The following LIPI variants were observed in gnomAD, a reference collection of about 807,000 sequenced individuals.
LIPI encodes lipase I, also known as lipase member I.
A neutral mutation model predicts 50.6 loss-of-function variants in LIPI; 59 were observed. That is an observed-to-expected ratio of 1.16 (90% CI 0.94 to 1.45). LIPI has a LOEUF of 1.45. Ranked by LOEUF, LIPI falls within the 40% of genes most tolerant of loss-of-function variation. The probability of loss-of-function intolerance (pLI) is 0.00; values close to 1 mark genes in which losing one functional copy is unlikely to be tolerated. For synonymous variants in LIPI, 203 were observed against 178.2 expected (o/e 1.14, Z -1.11); for missense variants, 586 against 536.3 (o/e 1.09, Z -0.92).
intron 1 of LIPI, among the ~76,000 whole-genome samples, chr21:14,196,258 T>G (rs2019848248): frequency 6.6e-6 from 1 of 151,824 alleles, no homozygotes; most frequent in African/African-American, 2.4e-5. Flanking sequence ...TTTTTATGCA[T>G]GCAAAAACTT....
chr21:14,177,891 T>C (rs1374402205), intron 4 of LIPI, among the ~76,000 whole-genome samples: 1 of 151,884 alleles, frequency 6.6e-6, no homozygotes, highest in Non-Finnish European at 1.5e-5. Context: ...CTCATGAATG[T>C]CTGAAGGGTA....
rs535188560 is a variant in LIPI at position 14,178,063 on chromosome 21, C to T, written c.643+3695G>A. ...TATATTCCATTGTTTCTGTTGAGAA[C>T]TCAATTGTAACTCTGGTCAATTTTA... On this transcript the variant is annotated intron_variant, in intron 4 of 9. Transcript: ENST00000681601. Among the ~76,000 whole-genome samples, 12 of 152,192 alleles carry T rather than the reference C, an allele frequency of 7.9e-5. No individual in the cohort carries two copies. In the South Asian group the frequency reaches 2.3e-3, roughly 29 times the overall value.
intron 7 of LIPI, among the ~76,000 whole-genome samples, chr21:14,153,769 A>G (rs2822436): frequency 0.31 from 47,381 of 151,990 alleles, 7,610 homozygotes; most frequent in Middle Eastern, 0.4. Context: ...CCCTGCACAG[A>G]GCCATAAACC....
intron 6 of LIPI, among the ~76,000 whole-genome samples, chr21:14,164,175 T>C (rs2018592988): frequency 1.3e-5 from 2 of 152,030 alleles, no homozygotes; most frequent in Non-Finnish European, 2.9e-5. Flanking sequence ...CCCACATTGC[T>C]ACCTCCAAAT....
rs954959063 is a variant in LIPI at position 14,189,058 on chromosome 21, C to A, written c.408G>T (p.Leu136Phe). The change falls in exon 2 of 10, where the codon TTG becomes TTT. Residue 136 changes from leucine to phenylalanine, a missense_variant. Physicochemically the swap from Leu to Phe is conservative, Grantham distance 22. Transcript: ENST00000681601. ...CCAAAAGATTTTTAATGTGCACACT[C>A]AAACTCACAGCAACTTTTCTGGTGT... The part of the protein sequence containing the change: ...VKNTRKVAVS[L>F]SVHIKNLLKH... 1 of 1,607,306 alleles carries A rather than the reference C, an allele frequency of 6.2e-7. No homozygotes were observed. Among genetic ancestry groups the A allele is most frequent in the African/African-American group, 1.3e-5 (1 of 75,044 alleles).
chr21:14,200,415 T>C (rs939135731), intron 1 of LIPI, among the ~76,000 whole-genome samples: 1 of 152,060 alleles, frequency 6.6e-6, no homozygotes, highest in Non-Finnish European at 1.5e-5. Context: ...AGTCTTAGGA[T>C]ACAAAATCAA....
At chr21:14,166,249 G>C (rs2018678616) in intron 5 of LIPI, 113 bp downstream of exon 5, 1 of 745,016 alleles carries the variant, frequency 1.3e-6, no homozygotes, top group East Asian at 2.5e-5. Context: ...CTGAGTCATG[G>C]GCAATGATGA....
At chr21:14,169,642 A>G (rs1446158881) in intron 4 of LIPI, among the ~76,000 whole-genome samples, 1 of 152,266 alleles carries the variant, frequency 6.6e-6, no homozygotes, top group Non-Finnish European at 1.5e-5. Flanking sequence ...GAAGGCAGAA[A>G]TAAAGATGTT....
intron 8 of LIPI, among the ~76,000 whole-genome samples, chr21:14,151,462 C>T (rs1225171935): frequency 6.6e-6 from 1 of 152,156 alleles, no homozygotes; most frequent in Non-Finnish European, 1.5e-5. Context: ...AACCATGCTT[C>T]CTGAAACCCT....
chr21:14,108,840 T>C lies in LIPI; in HGVS notation c.*153A>G. The C allele has an allele frequency of 2.3e-6, 2 of 867,592 alleles. No individual in the cohort carries two copies. Among genetic ancestry groups the C allele is most frequent in the East Asian group, 5.4e-5 (2 of 37,022 alleles). 53.7% of individuals were successfully genotyped at this position (867,592 alleles called of 1,614,324 possible). On this transcript the variant is annotated 3_prime_UTR_variant, in exon 10 of 10. Coordinates refer to ENST00000681601, the MANE Select transcript of LIPI (RefSeq NM_001302998.2). ...TGGAATGTTTAACTGTATGCATTTT[T>C]TATTTTCTTTATTTTTGATTCTTAA...
In LIPI at chr21:14,189,202, G is replaced by A. The variant is rs1600920141; in HGVS notation, c.264C>T (p.Ser88=). ...WLIHGYRPVG[S]IPLWLQNFVR... ...CGAAGTTCTGAAGCCATAATGGGAT[G>A]GAGCCTACTGGTCTGTATCCGTGAA... Residue 88 remains serine, a synonymous_variant, in exon 2 of 10, where the codon TCC becomes TCT. Coordinates refer to ENST00000681601, the MANE Select transcript of LIPI (RefSeq NM_001302998.2). 1 of 1,614,060 alleles carries A rather than the reference G, an allele frequency of 6.2e-7. No individual in the cohort carries two copies. The highest frequency in any genetic ancestry group is 8.5e-7 in the Non-Finnish European group (1 of 1,179,948).
At chr21:14,143,531 A>C (rs960256338) in intron 9 of LIPI, 2 of 152,002 alleles carry the variant, frequency 1.3e-5, no homozygotes, top group Non-Finnish European at 2.9e-5. Flanking sequence ...TATGTTTAAC[A>C]TTGACAAGAA....
intron 9 of LIPI, among the ~76,000 whole-genome samples, chr21:14,132,317 G>T (rs559562355): frequency 2.6e-5 from 4 of 152,240 alleles, no homozygotes; most frequent in African/African-American, 9.6e-5. Flanking sequence ...CAAATGAAAT[G>T]TATCTAGTCA....
At chr21:14,122,693 C>A (rs1467494366) in intron 9 of LIPI, among the ~76,000 whole-genome samples, 1 of 152,140 alleles carries the variant, frequency 6.6e-6, no homozygotes, top group Non-Finnish European at 1.5e-5. Context: ...TGCTTGCCAG[C>A]CAAAAAGCAA....
chr21:14,131,352 T>C (rs2017288125), intron 9 of LIPI, among the ~76,000 whole-genome samples: 1 of 152,166 alleles, frequency 6.6e-6, no homozygotes, highest in Non-Finnish European at 1.5e-5. Context: ...CACTGGGGTC[T>C]GAAGCCTGGT....
chr21:14,178,255 G>A (rs2019159139), intron 4 of LIPI, among the ~76,000 whole-genome samples: 2 of 152,106 alleles, frequency 1.3e-5, no homozygotes, highest in Admixed American at 1.3e-4. Context: ...GGAAAATTAT[G>A]AGATAATATC....
At chr21:14,141,596 T>C (rs2017709938) in intron 9 of LIPI, among the ~76,000 whole-genome samples, 1 of 151,320 alleles carries the variant, frequency 6.6e-6, no homozygotes, top group South Asian at 2.1e-4. Flanking sequence ...TACCTTTTCT[T>C]CTTGCATTGC....
At chr21:14,179,221 T>A (rs916597768) in intron 4 of LIPI, among the ~76,000 whole-genome samples, 1 of 151,814 alleles carries the variant, frequency 6.6e-6, no homozygotes, top group Non-Finnish European at 1.5e-5. Flanking sequence ...CACAACTGAA[T>A]AAAAATGAGG....
intron 1 of LIPI, among the ~76,000 whole-genome samples, chr21:14,210,208 C>T (rs2020327528): frequency 6.6e-6 from 1 of 151,934 alleles, no homozygotes; most frequent in Non-Finnish European, 1.5e-5. Flanking sequence ...ACAAGTAATT[C>T]TACTTTCTCA....
Sources: allele counts gnomAD v4.1 joint callset (sites outside exome capture counted in the v4.1 genomes callset), GRCh38; gene constraint gnomAD v4.1.1; transcripts MANE v1.5; gene names NCBI Gene and HGNC (gene_info 2026-07-23, HGNC 2026-07-21).